PCDHA13: variants seen among roughly 807,000 people sequenced by gnomAD.
The protein encoded by PCDHA13 is protocadherin alpha 13.
PCDHA13 carries 54 observed loss-of-function variants against 64.8 expected under a neutral mutation model. That is an observed-to-expected ratio of 0.83 (90% confidence interval 0.67 to 1.04). The LOEUF is 1.04. Among genes scored for constraint, PCDHA13 ranks in the 50% least tolerant of loss-of-function variants. The pLI is 0.00. For synonymous variants in PCDHA13, 587 were observed against 564.4 expected (o/e 1.04, Z -0.57); for missense variants, 1,248 against 1,254.3 (o/e 0.99, Z 0.08).
intron 1 of PCDHA13, among the ~76,000 whole-genome samples, chr5:140,956,241 T>G (rs1396335938): frequency 1.3e-5 from 2 of 152,204 alleles, no homozygotes; most frequent in African/African-American, 4.8e-5. Context: ...TCAAGGGGAA[T>G]GCTTCCAGGT....
chr5:140,975,522 G>A (rs2096670563), intron 1 of PCDHA13, among the ~76,000 whole-genome samples: 1 of 152,128 alleles, frequency 6.6e-6, no homozygotes, highest in African/African-American at 2.4e-5. Context: ...ATCTGCAGTG[G>A]ATATATTCTT....
Position 140,926,923 on chromosome 5 carries a change from T to C in PCDHA13, c.2394+42261T>C, listed in dbSNP as rs532425369. On this transcript the variant is annotated intron_variant, in intron 1 of 3. Transcript: ENST00000289272. ...GGGCTGTGGGGTGGCAGTTTTATGT[T>C]TGTGGGTTTCCTGCGGCGCTGCAGC... 35 of 1,571,554 alleles carry C rather than the reference T, an allele frequency of 2.2e-5. No homozygotes were observed. The East Asian group carries it at 6.5e-4, about 29-fold the overall frequency.
Position 140,884,260 on chromosome 5 carries a change from G to C in PCDHA13, c.1992G>C (p.Thr664=), listed in dbSNP as rs781862611. The C allele has an allele frequency of 6.2e-7, 1 of 1,613,410 alleles. No individual in the cohort carries two copies. The highest frequency in any genetic ancestry group is 1.7e-5 in the Admixed American group (1 of 59,976). Residue 664 remains threonine (T), a synonymous_variant, in exon 1 of 4, where the codon ACG becomes ACC. Transcript: ENST00000289272. The stretch of plus-strand genomic sequence containing the variant: ...AGCCCGCGCTGACGGCCACGGCAAC[G>C]GTGCTGTTGTCGCTGGTGGAGAGCG... ...HGEPALTATA[T]VLLSLVESGQ...
At chr5:140,933,184 G>T (rs1459868769) in intron 1 of PCDHA13, among the ~76,000 whole-genome samples, 4 of 149,618 alleles carry the variant, frequency 2.7e-5, no homozygotes, top group African/African-American at 4.9e-5. Flanking sequence ...ATAAGATAAT[G>T]GTTCAGGATA....
At chr5:140,895,636 T>C (rs1554186575) in intron 1 of PCDHA13, among the ~76,000 whole-genome samples, 1 of 152,178 alleles carries the variant, frequency 6.6e-6, no homozygotes, top group Non-Finnish European at 1.5e-5. Context: ...TTTCACATTC[T>C]TTTTTAGCTC....
chr5:140,969,408 T>C (rs2096327357), intron 1 of PCDHA13: 6 of 1,573,824 alleles, frequency 3.8e-6, no homozygotes, highest in Non-Finnish European at 5.2e-6. Flanking sequence ...GATTTGGCTT[T>C]ATTGAGTCAT....
At chr5:141,001,314 T>A (rs34374778) in intron 3 of PCDHA13, among the ~76,000 whole-genome samples, 7,675 of 152,288 alleles carry the variant, frequency 0.05, 243 homozygotes, top group South Asian at 0.11. Flanking sequence ...TGAAATAATT[T>A]GCCAAACATC....
chr5:140,893,753 A>G (rs1007226278), intron 1 of PCDHA13, among the ~76,000 whole-genome samples: 3 of 152,106 alleles, frequency 2.0e-5, no homozygotes, highest in South Asian at 2.1e-4. Context: ...GAATTTTCTT[A>G]TAGGTGACTT....
intron 1 of PCDHA13, chr5:140,927,135 G>T: frequency 6.2e-7 from 1 of 1,614,062 alleles, no homozygotes; most frequent in Non-Finnish European, 8.5e-7. Flanking sequence ...GAGAGCCGGC[G>T]GACCGCGAAC....
At chr5:141,004,839 C>G (rs1168305271) in intron 3 of PCDHA13, among the ~76,000 whole-genome samples, 1 of 152,168 alleles carries the variant, frequency 6.6e-6, no homozygotes, top group Non-Finnish European at 1.5e-5. Context: ...AGATCAAAGT[C>G]ATTAGTCTCA....
chr5:140,935,318 T>A (rs1554210460), intron 1 of PCDHA13, among the ~76,000 whole-genome samples: 1 of 152,194 alleles, frequency 6.6e-6, no homozygotes, highest in African/African-American at 2.4e-5. Flanking sequence ...TTCATCAATC[T>A]TACATTCCTA....
chr5:140,966,453 C>G, intron 1 of PCDHA13: 1 of 426,310 alleles, frequency 2.3e-6, no homozygotes, highest in Non-Finnish European at 4.1e-6. Flanking sequence ...TTCCCCCTCC[C>G]CCTCTGTCTT....
At chr5:140,924,208 G>T (rs1197265860) in intron 1 of PCDHA13, among the ~76,000 whole-genome samples, 1 of 152,238 alleles carries the variant, frequency 6.6e-6, no homozygotes, top group Non-Finnish European at 1.5e-5. Flanking sequence ...GAAATTTGGT[G>T]AAGAATAAGT....
intron 1 of PCDHA13, among the ~76,000 whole-genome samples, chr5:140,902,858 C>T (rs1275375548): frequency 6.6e-6 from 1 of 152,110 alleles, no homozygotes; most frequent in African/African-American, 2.4e-5. Context: ...AAATGGCGTC[C>T]AGGTCCACCC....
chr5:140,952,903 C>T (rs896493880), intron 1 of PCDHA13, among the ~76,000 whole-genome samples: 4 of 152,092 alleles, frequency 2.6e-5, no homozygotes, highest in African/African-American at 7.2e-5. Flanking sequence ...GGGAATCAAG[C>T]TCATCTTACA....
At chr5:140,987,322 T>G (rs1160600975) in intron 3 of PCDHA13, among the ~76,000 whole-genome samples, 3 of 152,200 alleles carry the variant, frequency 2.0e-5, no homozygotes, top group Non-Finnish European at 4.4e-5. Flanking sequence ...CTGTGAAGTT[T>G]TAAGAACTGG....
chr5:140,953,283 G>A (rs1377100708), intron 1 of PCDHA13, among the ~76,000 whole-genome samples: 5 of 152,132 alleles, frequency 3.3e-5, no homozygotes, highest in Non-Finnish European at 7.3e-5. Flanking sequence ...CTCTTTATAT[G>A]TGATTCAGGG....
chr5:140,934,172 G>A (rs781789188), intron 1 of PCDHA13, among the ~76,000 whole-genome samples: 47 of 152,018 alleles, frequency 3.1e-4, no homozygotes, highest in Non-Finnish European at 6.6e-4. Flanking sequence ...TGCAACAGAA[G>A]TACTCTAAAC....
chr5:140,988,818 CCAAA>C (rs1193685505), intron 3 of PCDHA13: 2 of 152,060 alleles, frequency 1.3e-5, no homozygotes, highest in Non-Finnish European at 2.9e-5. Flanking sequence ...AACAGTAGCC[CCAAA>C]CAGAGATCAC....
Sources: gnomAD v4.1 joint callset for allele counts (sites outside exome capture counted in the v4.1 genomes callset) on GRCh38, gnomAD v4.1.1 for gene constraint, MANE v1.5 for transcripts, NCBI Gene and HGNC (gene_info 2026-07-23, HGNC 2026-07-21) for gene names.